The following AOX1 variants were observed in gnomAD, a reference collection of about 807,000 sequenced individuals.
AOX1 encodes the protein aldehyde oxidase 1, also known as aldehyde oxidase.
AOX1 carries 153 observed loss-of-function variants against 169.5 expected under a neutral mutation model. The ratio of observed to expected loss-of-function variants is 0.90; its 90% CI spans 0.79 to 1.03. The LOEUF is 1.03. AOX1 is among the 50% of genes least tolerant of loss of function. The pLI is 0.00. For missense variants in AOX1, 1,656 were observed against 1,663.9 expected, an observed-to-expected ratio of 1.00 and a Z score of 0.08; for synonymous variants, 562 against 581.9, an observed-to-expected ratio of 0.97 and a Z score of 0.49.
chr2:200,651,015 C>A lies in AOX1; in HGVS notation c.2889C>A (p.Pro963=). 1 of 1,614,166 alleles carries A rather than the reference C, an allele frequency of 6.2e-7. No individual in the cohort carries two copies. The highest frequency in any genetic ancestry group is 8.5e-7 in the Non-Finnish European group (1 of 1,180,024). ...TGTACAAGGAAATTGATCAAACACCCTACAAACAAGAGATCAATGCCAAGA... is the reference window on the plus strand; with the variant it reads ...TGTACAAGGAAATTGATCAAACACCATACAAACAAGAGATCAATGCCAAGA... ...INMYKEIDQT[P]YKQEINAKNL... Residue 963 remains proline, a synonymous_variant, in exon 26 of 35, where the codon CCC becomes CCA. Transcript: ENST00000374700.
chr2:200,625,285 T>C lies in AOX1; in HGVS notation c.2124+1302T>C, dbSNP rs368811457. Among the ~76,000 whole-genome samples the C allele has an allele frequency of 1.6e-4, 25 of 152,312 alleles. No homozygotes were observed. The East Asian group carries it at 4.4e-3, about 27-fold the overall frequency. ...TTTGCTGGAGAGTTAGAATTACTTA[T>C]TAGAAATTATTTACGTAACACTTCA... On this transcript the variant is annotated intron_variant, in intron 19 of 34. Transcript: ENST00000374700.
chr2:200,638,114 G>T (rs139261253), intron 22 of AOX1, 101 bp from the exon 23 acceptor site: 1 of 956,060 alleles, frequency 1.0e-6, no homozygotes. Context: ...GTTCTGTGAG[G>T]CGTGTAGGCT....
At chr2:200,665,117 G>C (rs575141672) in intron 31 of AOX1, among the ~76,000 whole-genome samples, 1 of 152,320 alleles carries the variant, frequency 6.6e-6, no homozygotes, top group Non-Finnish European at 1.5e-5. Flanking sequence ...AGTGTCCTCA[G>C]GACAAGACAA....
At chr2:200,681,450 C>G (rs943338596), downstream of AOX1, 1 of 152,652 alleles carries the variant, frequency 6.6e-6, no homozygotes, top group African/African-American at 2.4e-5. Flanking sequence ...GAGGAGCCAC[C>G]CAGAACTCTC....
At chr2:200,608,472 T>C (rs892433142) in intron 10 of AOX1, among the ~76,000 whole-genome samples, 2 of 152,196 alleles carry the variant, frequency 1.3e-5, no homozygotes, top group Admixed American at 6.5e-5. Context: ...TAAGAAGCAA[T>C]AGAAATGTGG....
Position 200,668,789 on chromosome 2 carries a change from C to T in AOX1, c.3784C>T (p.Leu1262Phe). The part of the protein sequence containing the change: ...LLPPSQNSNT[L>F]YSSKGLGESG... ...GCCTCCTTCTCAAAACTCAAATACT[C>T]TTTATTCATCTAAGGTAAGTAATGT... is the stretch of plus-strand genomic sequence containing the variant. Residue 1262 changes from leucine to phenylalanine, a missense_variant, in exon 33 of 35, where the codon CTT becomes TTT. Leu to Phe is a conservative substitution (Grantham distance 22). Coordinates refer to ENST00000374700, the MANE Select transcript of AOX1 (RefSeq NM_001159.4). 1 of 1,613,970 alleles carries T rather than the reference C, an allele frequency of 6.2e-7. No individual in the cohort carries two copies. The highest frequency in any genetic ancestry group is 8.5e-7 in the Non-Finnish European group (1 of 1,179,898).
chr2:200,656,802 CA>C, intron 26 of AOX1, 39 bp from the exon 27 acceptor site: 1 of 1,370,038 alleles, frequency 7.3e-7, no homozygotes, highest in East Asian at 2.6e-5. Flanking sequence ...GTGATAATAT[CA>C]AAAAGATCAC....
At chr2:200,603,797 G>T (rs114640445) in intron 7 of AOX1, among the ~76,000 whole-genome samples, 24,024 of 152,068 alleles carry the variant, frequency 0.16, 2,195 homozygotes, top group Non-Finnish European at 0.21. Flanking sequence ...GAAGGTACAG[G>T]GAGTTGAGGC....
intron 34 of AOX1, 80 bp downstream of exon 34, chr2:200,669,822 G>A: frequency 2.1e-6 from 3 of 1,462,840 alleles, no homozygotes; most frequent in Non-Finnish European, 2.8e-6. Flanking sequence ...AAGTTTTCGT[G>A]AACGCACTGC....
intron 13 of AOX1, among the ~76,000 whole-genome samples, chr2:200,612,403 C>A (rs555710605): frequency 6.6e-6 from 1 of 152,252 alleles, no homozygotes; most frequent in East Asian, 1.9e-4. Context: ...CTGGGGGCTG[C>A]ATATCTGATA....
rs370788470 is a variant in AOX1 at position 200,595,305 on chromosome 2, G to A, written c.137G>A (p.Gly46Glu). ...RLTGTKYGCGGGGCGACTVMI... is the reference protein window; with the variant it reads ...RLTGTKYGCGEGGCGACTVMI... ...ACAGGAACTAAGTATGGCTGTGGAG[G>A]AGGAGGCTGTGGTGCTTGTACAGTG... Residue 46 changes from glycine to glutamate, a missense_variant, in exon 3 of 35, where the codon GGA becomes GAA. Physicochemically the swap from Gly to Glu is moderately conservative, Grantham distance 98. Coordinates refer to ENST00000374700, the MANE Select transcript of AOX1 (RefSeq NM_001159.4). The A allele has an allele frequency of 6.2e-7, 1 of 1,613,262 alleles. No homozygotes were observed. The highest frequency in any genetic ancestry group is 8.5e-7 in the Non-Finnish European group (1 of 1,179,402).
intron 13 of AOX1, among the ~76,000 whole-genome samples, chr2:200,612,022 G>A (rs749949065): frequency 1.2e-4 from 18 of 151,898 alleles, no homozygotes; most frequent in Non-Finnish European, 2.2e-4. Flanking sequence ...TGCCATTCTC[G>A]CTCTTTCTCC....
At chr2:200,617,423 G>C (rs995692713) in intron 16 of AOX1, among the ~76,000 whole-genome samples, 2 of 134,936 alleles carry the variant, frequency 1.5e-5, no homozygotes, top group Non-Finnish European at 3.1e-5. Flanking sequence ...CAAATACTAA[G>C]CAGAAGCAGG....
At chr2:200,603,880 G>A (rs542018169) in intron 7 of AOX1, 137 bp from the exon 8 acceptor site, 143 of 625,060 alleles carry the variant, frequency 2.3e-4, no homozygotes, top group African/African-American at 1.4e-3. Flanking sequence ...GGTTTGGAGC[G>A]CGGGGATTGT....
In AOX1 at chr2:200,616,012, T is replaced by C. The variant is rs1476459882; in HGVS notation, c.1653T>C (p.Ser551=). Residue 551 remains serine (S), a synonymous_variant, in exon 16 of 35, where the codon AGT becomes AGC. Transcript: ENST00000374700. The part of the protein sequence containing the change: ...HYPSLADKYE[S]ALEDLHSKHH... ...CTAGCCTTGCAGACAAGTATGAAAG[T>C]GCTTTAGAAGATCTTCATTCCAAAC... 3 of 1,614,004 alleles carry C rather than the reference T, an allele frequency of 1.9e-6. No homozygotes were observed. The highest frequency in any genetic ancestry group is 1.3e-5 in the African/African-American group (1 of 75,066).
chr2:200,590,324 C>A (rs913064056), intron 1 of AOX1, among the ~76,000 whole-genome samples: 1 of 152,158 alleles, frequency 6.6e-6, no homozygotes, highest in East Asian at 1.9e-4. Flanking sequence ...TACAGAGGGG[C>A]AGATTCCACC....
At chr2:200,609,481 C>G in intron 12 of AOX1, 67 bp downstream of exon 12, 1 of 1,289,922 alleles carries the variant, frequency 7.8e-7, no homozygotes, top group Non-Finnish European at 1.1e-6. Context: ...TCTGGGGAGG[C>G]AGGAAATCCA....
At chr2:200,663,569 C>T (rs1256983676) in intron 31 of AOX1, among the ~76,000 whole-genome samples, 6 of 129,964 alleles carry the variant, frequency 4.6e-5, no homozygotes, top group Non-Finnish European at 1.0e-4. Context: ...CACACACACA[C>T]ACACTCTCTC....
chr2:200,621,305 T>A, intron 18 of AOX1, 59 bp downstream of exon 18: 1 of 1,578,272 alleles, frequency 6.3e-7, no homozygotes. Context: ...GTGCTTCATA[T>A]TTTCTTAAAG....
Sources: gnomAD v4.1 joint callset for allele counts (sites outside exome capture counted in the v4.1 genomes callset) on GRCh38, gnomAD v4.1.1 for gene constraint, MANE v1.5 for transcripts, NCBI Gene and HGNC (gene_info 2026-07-23, HGNC 2026-07-21) for gene names.